Variants in ZFPM2 observed in about 807,000 individuals in gnomAD.
ZFPM2 encodes the protein zinc finger protein ZFPM2.
A neutral mutation model predicts 98.6 loss-of-function variants in ZFPM2; 20 were observed. The observed-to-expected ratio is 0.20, with a 90% CI of 0.14 to 0.29. The LOEUF (loss-of-function observed/expected upper bound fraction) is 0.29, where lower values mean the gene tolerates loss of function less well. Among genes scored for constraint, ZFPM2 ranks in the 10% least tolerant of loss-of-function variants. The pLI is 1.00. For synonymous variants in ZFPM2, 518 were observed against 502.7 expected (o/e 1.03, Z -0.41); for missense variants, 1,310 against 1,388.6 (o/e 0.94, Z 0.90).
At chr8:105,547,237 G>T (rs1366535549) in intron 3 of ZFPM2, among the ~76,000 whole-genome samples, 2 of 151,992 alleles carry the variant, frequency 1.3e-5, no homozygotes, top group African/African-American at 4.8e-5. Flanking sequence ...TGATATTTAA[G>T]ATGAATAATA....
At chr8:105,724,836 A>T (rs1811767654) in intron 5 of ZFPM2, among the ~76,000 whole-genome samples, 1 of 151,632 alleles carries the variant, frequency 6.6e-6, no homozygotes. Flanking sequence ...TTCATGGCAC[A>T]CCTATTTCTT....
At chr8:105,549,847 C>T (rs2130656872) in intron 3 of ZFPM2, among the ~76,000 whole-genome samples, 1 of 152,044 alleles carries the variant, frequency 6.6e-6, no homozygotes, top group South Asian at 2.1e-4. Context: ...CTCCTGGGCT[C>T]ACACAATTCT....
chr8:105,396,158 C>G (rs1293168436), intron 1 of ZFPM2, among the ~76,000 whole-genome samples: 1 of 152,150 alleles, frequency 6.6e-6, no homozygotes, highest in Admixed American at 6.5e-5. Context: ...TCAAGTAAAG[C>G]TTGTCCATGA....
chr8:105,361,901 T>A (rs1429487776), intron 1 of ZFPM2, among the ~76,000 whole-genome samples: 2 of 151,640 alleles, frequency 1.3e-5, no homozygotes, highest in African/African-American at 4.9e-5. Context: ...CCTACACTAT[T>A]TATATAATAA....
chr8:105,794,253 G>T (rs1471181736), intron 6 of ZFPM2, among the ~76,000 whole-genome samples: 1 of 151,998 alleles, frequency 6.6e-6, no homozygotes, highest in African/African-American at 2.4e-5. Context: ...TGGGTTTTTG[G>T]TGTGGATGTC....
chr8:105,538,018 C>T (rs1438250124), intron 3 of ZFPM2, among the ~76,000 whole-genome samples: 1 of 152,076 alleles, frequency 6.6e-6, no homozygotes, highest in East Asian at 1.9e-4. Context: ...TTTACAGGCT[C>T]CATATTGACA....
chr8:105,766,063 T>G (rs1812847260), intron 5 of ZFPM2, among the ~76,000 whole-genome samples: 1 of 151,928 alleles, frequency 6.6e-6, no homozygotes, highest in African/African-American at 2.4e-5. Context: ...TGTATTTATC[T>G]TTATGGCCTT....
At chr8:105,775,293 G>A (rs1485639948) in intron 5 of ZFPM2, among the ~76,000 whole-genome samples, 1 of 152,016 alleles carries the variant, frequency 6.6e-6, no homozygotes, top group Admixed American at 6.6e-5. Context: ...AGCAGGCAGA[G>A]TGTTTCATTT....
intron 1 of ZFPM2, among the ~76,000 whole-genome samples, chr8:105,396,473 G>A (rs750989429): frequency 2.6e-5 from 4 of 152,134 alleles, no homozygotes; most frequent in African/African-American, 7.2e-5. Context: ...GCAGTAATAT[G>A]TTCATGTTGT....
At chr8:105,519,888 C>A (rs117532254) in intron 3 of ZFPM2, among the ~76,000 whole-genome samples, 1 of 151,776 alleles carries the variant, frequency 6.6e-6, no homozygotes, top group East Asian at 1.9e-4. Flanking sequence ...CTTGCAATTA[C>A]TATAGTTATG....
In ZFPM2 at chr8:105,754,946, A is replaced by G. The variant is rs1470104887; in HGVS notation, c.533-33772A>G. Among the ~76,000 whole-genome samples, 49 of 146,550 alleles carry G rather than the reference A, an allele frequency of 3.3e-4. No individual in the cohort carries two copies. The East Asian group carries it at 6.8e-3, about 20-fold the overall frequency. The stretch of plus-strand genomic sequence containing the variant: ...TTGTGACGGTCTGGAGAAATTTAAT[A>G]TGTGTGTGTGTGTGTGTGTGTGTGT... On this transcript the variant is annotated intron_variant, in intron 5 of 7. Transcript: ENST00000407775.
intron 5 of ZFPM2, chr8:105,669,967 A>C (rs1817558125): frequency 6.6e-6 from 1 of 152,180 alleles, no homozygotes; most frequent in Admixed American, 6.5e-5. Flanking sequence ...TGTGTAACAG[A>C]TAAATAGAGA....
chr8:105,441,836 A>C (rs953016825), intron 2 of ZFPM2, among the ~76,000 whole-genome samples: 1 of 152,096 alleles, frequency 6.6e-6, no homozygotes, highest in Non-Finnish European at 1.5e-5. Flanking sequence ...TGAGAGAAGC[A>C]GGAGGAGGCT....
chr8:105,567,903 G>A (rs1815273560), intron 4 of ZFPM2, among the ~76,000 whole-genome samples: 1 of 151,938 alleles, frequency 6.6e-6, no homozygotes. Flanking sequence ...ATGACTTTTT[G>A]TTGAGCCTCA....
rs560485382 is a variant in ZFPM2 at position 105,554,711 on chromosome 8, C to G, written c.302-6652C>G. ...CTTCTGTCATCTCATTTACTTGCAG[C>G]TATGTCCTATGAAATCTGAGCCTTG... On this transcript the variant is annotated intron_variant, in intron 3 of 7. Transcript: ENST00000407775. Among the ~76,000 whole-genome samples the G allele has an allele frequency of 8.5e-5, 13 of 152,230 alleles. No individual in the cohort carries two copies. The East Asian group carries it at 2.3e-3, about 27-fold the overall frequency.
At chr8:105,671,350 A>T (rs893558992) in intron 5 of ZFPM2, among the ~76,000 whole-genome samples, 4 of 151,840 alleles carry the variant, frequency 2.6e-5, no homozygotes, top group African/African-American at 9.7e-5. Flanking sequence ...AAAAAAATTA[A>T]TTTTTATTTT....
At chr8:105,769,411 A>G (rs1812933272) in intron 5 of ZFPM2, among the ~76,000 whole-genome samples, 1 of 152,036 alleles carries the variant, frequency 6.6e-6, no homozygotes. Context: ...GCCATGGCCA[A>G]CTTCCTACTA....
chr8:105,403,802 G>C (rs896648759), intron 1 of ZFPM2, among the ~76,000 whole-genome samples: 1 of 151,986 alleles, frequency 6.6e-6, no homozygotes, highest in African/African-American at 2.4e-5. Context: ...GGTAAAGTTA[G>C]GATGACTCAG....
intron 3 of ZFPM2, among the ~76,000 whole-genome samples, chr8:105,452,022 G>T (rs1701756627): frequency 6.6e-6 from 1 of 152,068 alleles, no homozygotes; most frequent in Non-Finnish European, 1.5e-5. Flanking sequence ...TGAATAATTT[G>T]CGAGAAAAAT....
Sources: gnomAD v4.1 joint callset for allele counts (sites outside exome capture counted in the v4.1 genomes callset) on GRCh38, gnomAD v4.1.1 for gene constraint, MANE v1.5 for transcripts, NCBI Gene and HGNC (gene_info 2026-07-23, HGNC 2026-07-21) for gene names.